PLEKHA1: variants seen among roughly 807,000 people sequenced by gnomAD.
The protein encoded by PLEKHA1 is pleckstrin homology domain-containing family A member 1.
Under a neutral mutation model 52.0 loss-of-function variants are expected in PLEKHA1, and 34 were observed. That is an observed-to-expected ratio of 0.65 (90% CI 0.50 to 0.87). PLEKHA1 has a LOEUF of 0.87. PLEKHA1 is among the 40% of genes least tolerant of loss of function. PLEKHA1 has a pLI of 0.00. For missense variants in PLEKHA1, 497 were observed against 504.2 expected (o/e 0.99, Z 0.14); for synonymous variants, 163 against 170.7 (o/e 0.95, Z 0.35).
intron 10 of PLEKHA1, chr10:122,425,859 A>C (rs1167390809): frequency 6.6e-6 from 1 of 152,202 alleles, no homozygotes; most frequent in African/African-American, 2.4e-5. Context: ...ACATTGAGGC[A>C]ACCATTCTTA....
intron 1 of PLEKHA1, among the ~76,000 whole-genome samples, chr10:122,377,193 G>A (rs943677547): frequency 6.6e-6 from 1 of 152,074 alleles, no homozygotes; most frequent in African/African-American, 2.4e-5. Context: ...TTGAGAATGG[G>A]GAAGATAGTT....
At position 122,431,132 on chromosome 10, in the gene PLEKHA1, T is replaced by TG. The variant is rs2097412879; in HGVS notation, c.*1194_*1195insG. The TG allele has an allele frequency of 6.6e-6, 1 of 152,222 alleles. No individual in the cohort carries two copies. Among genetic ancestry groups the TG allele is most frequent in the Admixed American group, 6.6e-5 (1 of 15,250 alleles). 9.4% of individuals were successfully genotyped at this position (152,222 alleles called of 1,614,324 possible). On this transcript the variant is annotated 3_prime_UTR_variant, in exon 12 of 12. Transcript: ENST00000368990. ...CCAGTTTGAGTAAGTACTGCTTTTT[T>TG]TTTTTGGAGACGGGCTCTCGCTCTG...
At chr10:122,412,771 ATAACT>A (rs939052402) in intron 5 of PLEKHA1, 144 bp from the exon 6 acceptor site, 6 of 725,068 alleles carry the variant, frequency 8.3e-6, no homozygotes, top group Admixed American at 2.9e-5. Context: ...AATTAGTGTG[ATAACT>A]TAAGGAGTAC....
Position 122,414,577 on chromosome 10 carries a change from T to C in PLEKHA1, c.469-1282T>C, listed in dbSNP as rs369042265. ...CAACAAAGGACTTTTATCTAGAACA[T>C]AGAAAGAACTCAGAACCCAACAGTA... On this transcript the variant is annotated intron_variant, in intron 6 of 11. Transcript: ENST00000368990. Among the ~76,000 whole-genome samples the C allele has an allele frequency of 1.2e-4, 18 of 152,072 alleles. No homozygotes were observed. The East Asian group carries it at 3.1e-3, about 26-fold the overall frequency.
intron 1 of PLEKHA1, chr10:122,386,501 A>G (rs905695667): frequency 2.0e-5 from 3 of 152,194 alleles, no homozygotes; most frequent in Non-Finnish European, 2.9e-5. Context: ...CGTTTCAGAT[A>G]TATCAACTAT....
chr10:122,409,476 G>T (rs1225320183), intron 5 of PLEKHA1, among the ~76,000 whole-genome samples: 1 of 152,092 alleles, frequency 6.6e-6, no homozygotes, highest in African/African-American at 2.4e-5. Context: ...ACATAAATAT[G>T]GTGGTTTCTG....
chr10:122,403,000 C>T (rs1007538059), intron 4 of PLEKHA1, among the ~76,000 whole-genome samples: 1 of 152,152 alleles, frequency 6.6e-6, no homozygotes, highest in Non-Finnish European at 1.5e-5. Flanking sequence ...CCATAGTTGA[C>T]TAGTAAGGTC....
intron 10 of PLEKHA1, among the ~76,000 whole-genome samples, chr10:122,426,184 C>T (rs952938835): frequency 2.0e-5 from 3 of 151,920 alleles, no homozygotes; most frequent in Non-Finnish European, 2.9e-5. Context: ...GTTTCTAGAT[C>T]GAGATTAACT....
downstream of PLEKHA1, chr10:122,436,173 C>A (rs553367702): frequency 2.0e-5 from 3 of 151,426 alleles, no homozygotes; most frequent in African/African-American, 7.2e-5. Flanking sequence ...TAACACACTA[C>A]TTCTACTGTC....
At chr10:122,428,289 G>A (rs1198090539) in intron 11 of PLEKHA1, 1 of 1,543,432 alleles carries the variant, frequency 6.5e-7, no homozygotes, top group East Asian at 2.5e-5. Flanking sequence ...CGGCAGGCCA[G>A]AAGGCTGTCG....
intron 5 of PLEKHA1, 64 bp downstream of exon 5, chr10:122,406,737 T>G: frequency 8.3e-7 from 1 of 1,209,394 alleles, no homozygotes; most frequent in Admixed American, 1.8e-5. Context: ...ATTTTGAAAA[T>G]ACACCTACCA....
In PLEKHA1 at chr10:122,400,357, T is replaced by C. The variant is rs1463628391; in HGVS notation, c.213T>C (p.Thr71=). The C allele has an allele frequency of 2.5e-6, 4 of 1,607,426 alleles. No homozygotes were observed. Among genetic ancestry groups the C allele is most frequent in the Non-Finnish European group, 3.4e-6 (4 of 1,177,758 alleles). ...TTTCTTTTTAGGTTAGCGATGCTAC[T>C]AAGCTAAGGCCAAAGGCGGAGTTCT... ...LTYISKVSDA[T]KLRPKAEFCF... The change falls in exon 4 of 12, where the codon ACT becomes ACC. Residue 71 remains threonine, a synonymous_variant. Coordinates refer to ENST00000368990, the MANE Select transcript of PLEKHA1 (RefSeq NM_001001974.4).
chr10:122,428,861 T>C (rs950932737), intron 11 of PLEKHA1, among the ~76,000 whole-genome samples: 2 of 152,202 alleles, frequency 1.3e-5, no homozygotes, highest in African/African-American at 4.8e-5. Flanking sequence ...TATATAGCAA[T>C]GTATTTAGAA....
intron 4 of PLEKHA1, among the ~76,000 whole-genome samples, chr10:122,401,228 G>C (rs887233088): frequency 5.9e-5 from 9 of 152,208 alleles, no homozygotes; most frequent in Non-Finnish European, 1.3e-4. Flanking sequence ...AAGCCAGGGT[G>C]CTGTGTTTTG....
chr10:122,442,379 A>G, the PLEKHA1 span: 1 of 152,026 alleles, frequency 6.6e-6, no homozygotes, highest in African/African-American at 2.4e-5. Flanking sequence ...TGAACACCCT[A>G]TTGTAGAACA....
chr10:122,379,070 T>A (rs11200591), intron 1 of PLEKHA1, among the ~76,000 whole-genome samples: 6,295 of 152,278 alleles, frequency 0.041, 485 homozygotes, highest in African/African-American at 0.14. Context: ...GCAACCAAAC[T>A]GGCATTTTTG....
chr10:122,404,405 A>G (rs976538043), intron 4 of PLEKHA1, among the ~76,000 whole-genome samples: 1 of 152,192 alleles, frequency 6.6e-6, no homozygotes, highest in African/African-American at 2.4e-5. Context: ...ATTCAAAAGT[A>G]TATGTATTAA....
At chr10:122,401,452 G>A (rs2096928042) in intron 4 of PLEKHA1, among the ~76,000 whole-genome samples, 1 of 152,046 alleles carries the variant, frequency 6.6e-6, no homozygotes, top group African/African-American at 2.4e-5. Flanking sequence ...AGGAGGAAGG[G>A]TGAAAAGAAG....
chr10:122,425,242 T>A, intron 10 of PLEKHA1: 1 of 258,896 alleles, frequency 3.9e-6, no homozygotes, highest in Non-Finnish European at 7.2e-6. Flanking sequence ...GTTGGATTAT[T>A]TTTGCACATG....
Sources: gnomAD v4.1 joint callset for allele counts (sites outside exome capture counted in the v4.1 genomes callset) on GRCh38, gnomAD v4.1.1 for gene constraint, MANE v1.5 for transcripts, NCBI Gene and HGNC (gene_info 2026-07-23, HGNC 2026-07-21) for gene names.